Variants in DHRSX observed in about 807,000 individuals in gnomAD.
The protein encoded by DHRSX is dehydrogenase/reductase X-linked, also known as polyprenol dehydrogenase.
A neutral mutation model predicts 34.0 loss-of-function variants in DHRSX; 31 were observed. That is an observed-to-expected ratio of 0.91 (90% CI 0.69 to 1.23). The LOEUF is 1.23. Among genes scored for constraint, DHRSX ranks in the 50% most tolerant of loss-of-function variants. DHRSX has a pLI of 0.00. For synonymous variants in DHRSX, 201 were observed against 183.8 expected, an observed-to-expected ratio of 1.09 and a Z score of -0.76; for missense variants, 414 against 428.1, an observed-to-expected ratio of 0.97 and a Z score of 0.29.
intron 1 of DHRSX, among the ~76,000 whole-genome samples, chrX:2,451,596 G>A (rs2044218566): frequency 6.6e-6 from 1 of 152,188 alleles, no homozygotes. Flanking sequence ...TCAGGACGGT[G>A]GCTGGAGAAT....
intron 1 of DHRSX, among the ~76,000 whole-genome samples, chrX:2,476,373 T>C (rs2044678336): frequency 6.9e-6 from 1 of 145,202 alleles, no homozygotes; most frequent in Admixed American, 7.1e-5. Flanking sequence ...ACTCCAGCCT[T>C]GGCAACAAGA....
intron 2 of DHRSX, among the ~76,000 whole-genome samples, chrX:2,419,235 A>G (rs997304012): frequency 2.0e-5 from 3 of 152,142 alleles, no homozygotes; most frequent in African/African-American, 7.2e-5. Flanking sequence ...TACCCTTATA[A>G]AAGAGACCCC....
chrX:2,302,588 G>C (rs892396586), intron 3 of DHRSX, among the ~76,000 whole-genome samples: 2 of 151,378 alleles, frequency 1.3e-5, no homozygotes, highest in African/African-American at 4.9e-5. Flanking sequence ...CTCCAGCCTG[G>C]GTGACAGAGC....
intron 6 of DHRSX, among the ~76,000 whole-genome samples, chrX:2,233,520 TG>T (rs1238065126): frequency 6.6e-6 from 1 of 152,026 alleles, no homozygotes; most frequent in Non-Finnish European, 1.5e-5. Context: ...TGGGGGGCGC[TG>T]GGGAGACGGT....
intron 3 of DHRSX, 71 bp downstream of exon 3, chrX:2,408,674 T>C (rs1343578978): frequency 1.5e-6 from 2 of 1,375,510 alleles, no homozygotes; most frequent in East Asian, 2.3e-5. Context: ...AGCTCAGCCA[T>C]GAACCACGCA....
intron 5 of DHRSX, among the ~76,000 whole-genome samples, chrX:2,248,269 T>TA (rs1246696451): frequency 6.6e-6 from 1 of 151,660 alleles, no homozygotes; most frequent in East Asian, 1.9e-4. Context: ...CGGTCTCTAC[T>TA]AAAAATACAA....
intron 5 of DHRSX, among the ~76,000 whole-genome samples, chrX:2,248,607 C>G (rs1167910351): frequency 1.8e-5 from 1 of 56,658 alleles, no homozygotes; most frequent in Non-Finnish European, 3.1e-5. Context: ...GAGCAAGACT[C>G]TGTCTCAAAA....
At chrX:2,337,528 C>T (rs34539857) in intron 3 of DHRSX, among the ~76,000 whole-genome samples, 1 of 151,704 alleles carries the variant, frequency 6.6e-6, no homozygotes, top group Non-Finnish European at 1.5e-5. Context: ...TTCAAGGATG[C>T]GAATTTATTT....
intron 2 of DHRSX, among the ~76,000 whole-genome samples, chrX:2,424,655 A>G (rs1270899123): frequency 6.6e-6 from 1 of 152,230 alleles, no homozygotes; most frequent in Admixed American, 6.5e-5. Context: ...AACCATGTGA[A>G]AGAAACACAG....
intron 3 of DHRSX, among the ~76,000 whole-genome samples, chrX:2,336,896 G>C (rs1273651145): frequency 6.6e-6 from 1 of 152,054 alleles, no homozygotes; most frequent in African/African-American, 2.4e-5. Flanking sequence ...TACATATGCA[G>C]AACATGCAGG....
chrX:2,234,828 A>G (rs1195992321), intron 6 of DHRSX, among the ~76,000 whole-genome samples: 2 of 152,182 alleles, frequency 1.3e-5, no homozygotes, highest in Non-Finnish European at 2.9e-5. Flanking sequence ...CTCCTGCCTC[A>G]GCTTCCCGAG....
rs1556457174 is a variant in DHRSX at position 2,298,608 on chromosome X, A to ACACACACACACACACACACACACGCG, written c.287-7006_287-7005insCGCGTGTGTGTGTGTGTGTGTGTGTG. ...CTCCTGCAGGCGCGTGTGTACACACACACACACACACACACACACACACAC... is the reference window on the plus strand; with the variant it reads ...CTCCTGCAGGCGCGTGTGTACACACACACACACACACACACACACACACGCGCACACACACACACACACACACACAC... On this transcript the variant is annotated intron_variant, in intron 3 of 6. Coordinates refer to ENST00000334651, the MANE Select transcript of DHRSX (RefSeq NM_145177.3). 1.7e-3 allele frequency among the ~76,000 whole-genome samples: 103 copies of ACACACACACACACACACACACACGCG among 60,086 alleles called. 6 individuals are homozygous for ACACACACACACACACACACACACGCG. The highest frequency in any genetic ancestry group is 4.3e-3 in the African/African-American group (100 of 23,484). 39.4% of individuals were successfully genotyped at this position (60,086 alleles called of 152,430 possible).
chrX:2,446,587 C>G (rs1199798172), intron 1 of DHRSX, among the ~76,000 whole-genome samples: 1 of 151,858 alleles, frequency 6.6e-6, no homozygotes, highest in Non-Finnish European at 1.5e-5. Context: ...GGCCAAGGGA[C>G]CACCTCCATG....
chrX:2,277,444 T>G (rs1260047089), intron 4 of DHRSX, among the ~76,000 whole-genome samples: 11 of 50,940 alleles, frequency 2.2e-4, no homozygotes, highest in East Asian at 9.4e-4. Flanking sequence ...GAAAGAGAGA[T>G]GGAGAGGGAA....
chrX:2,489,492 T>A, intron 1 of DHRSX: 1 of 1,613,522 alleles, frequency 6.2e-7, no homozygotes, highest in Non-Finnish European at 8.5e-7. Context: ...GCCGACAGCA[T>A]CTCGGCCACC....
intron 5 of DHRSX, among the ~76,000 whole-genome samples, chrX:2,250,566 C>T (rs1158991278): frequency 2.0e-5 from 3 of 152,006 alleles, no homozygotes; most frequent in African/African-American, 4.8e-5. Flanking sequence ...ATCTGTAAAC[C>T]GTCTCTTATC....
chrX:2,483,996 ACGGAGTCTCGCT>A (rs2044817175), intron 1 of DHRSX, among the ~76,000 whole-genome samples: 1 of 152,180 alleles, frequency 6.6e-6, no homozygotes, highest in South Asian at 2.1e-4. Context: ...AGTGGAATAC[ACGGAGTCTCGCT>A]CTTGTCGCCC....
intron 3 of DHRSX, among the ~76,000 whole-genome samples, chrX:2,298,842 G>C (rs756951433): frequency 6.6e-6 from 1 of 152,028 alleles, no homozygotes; most frequent in Admixed American, 6.6e-5. Flanking sequence ...AAAATTAGCC[G>C]GGTGTGGTGG....
intron 3 of DHRSX, among the ~76,000 whole-genome samples, chrX:2,294,034 AAGAGAGAGATAGAAAGATAGAAGC>A (rs2041898970): frequency 6.7e-6 from 1 of 148,174 alleles, no homozygotes; most frequent in Non-Finnish European, 1.5e-5. Context: ...AAGAATGAGA[AAGAGAGAGATAGAAAGATAGAAGC>A]AGAGAGAGAG....
Sources: gnomAD v4.1 joint callset for allele counts (sites outside exome capture counted in the v4.1 genomes callset) on GRCh38, gnomAD v4.1.1 for gene constraint, MANE v1.5 for transcripts, NCBI Gene and HGNC (gene_info 2026-07-23, HGNC 2026-07-21) for gene names.